Variants in KCNIP4 observed in about 807,000 individuals in gnomAD.
The protein encoded by KCNIP4 is Kv channel-interacting protein 4.
A neutral mutation model predicts 34.0 loss-of-function variants in KCNIP4; 12 were observed. That is an observed-to-expected ratio of 0.35 (90% CI 0.23 to 0.57). The LOEUF (loss-of-function observed/expected upper bound fraction) is 0.57. Among genes scored for constraint, KCNIP4 ranks in the 20% least tolerant of loss-of-function variants. The pLI, the probability that KCNIP4 is intolerant of heterozygous loss-of-function variation, is 0.83. For synonymous variants in KCNIP4, 124 were observed against 102.2 expected (o/e 1.21, Z -1.29); for missense variants, 238 against 311.7 (o/e 0.76, Z 1.78).
At chr4:20,821,984 G>A (rs1717168919) in intron 3 of KCNIP4, among the ~76,000 whole-genome samples, 1 of 151,590 alleles carries the variant, frequency 6.6e-6, no homozygotes. Flanking sequence ...CTATAAACAT[G>A]CGTGTGCATG....
At chr4:21,821,652 T>C (rs777052464) in intron 1 of KCNIP4, among the ~76,000 whole-genome samples, 50 of 152,254 alleles carry the variant, frequency 3.3e-4, no homozygotes, top group Admixed American at 7.9e-4. Context: ...GTTAGATAAA[T>C]GCAAGTAACT....
intron 1 of KCNIP4, among the ~76,000 whole-genome samples, chr4:21,246,459 A>C (rs991781628): frequency 4.6e-5 from 7 of 152,214 alleles, no homozygotes; most frequent in African/African-American, 1.7e-4. Context: ...TTACTGCAAA[A>C]TACTTATGTG....
chr4:21,101,498 A>G (rs1315043872), intron 1 of KCNIP4, among the ~76,000 whole-genome samples: 1 of 152,192 alleles, frequency 6.6e-6, no homozygotes, highest in Non-Finnish European at 1.5e-5. Flanking sequence ...TGCAATAAAC[A>G]TAAGAGTGCA....
At chr4:21,927,876 T>G (rs993279917) in intron 1 of KCNIP4, among the ~76,000 whole-genome samples, 2 of 152,000 alleles carry the variant, frequency 1.3e-5, no homozygotes. Context: ...TGTGGAATGA[T>G]GACAATACTC....
intron 1 of KCNIP4, among the ~76,000 whole-genome samples, chr4:21,108,755 G>A (rs1451221980): frequency 6.6e-6 from 1 of 151,814 alleles, no homozygotes; most frequent in African/African-American, 2.4e-5. Flanking sequence ...TTTGATGATG[G>A]TGATGTACAG....
intron 1 of KCNIP4, among the ~76,000 whole-genome samples, chr4:21,698,269 A>G (rs1234716093): frequency 6.6e-6 from 1 of 152,214 alleles, no homozygotes; most frequent in Non-Finnish European, 1.5e-5. Context: ...ATTAGGATAC[A>G]TAATTGTCTC....
rs546026428 is a variant in KCNIP4, at chr4:21,527,781, T to C, written c.61+420790A>G. The stretch of plus-strand genomic sequence containing the variant: ...AAAAGTAGGACAATCACATTAAATA[T>C]TGTATAATCAGACTTTGCAAATTCA... On this transcript the variant is annotated intron_variant, in intron 1 of 8. Coordinates refer to ENST00000382152, the MANE Select transcript of KCNIP4 (RefSeq NM_025221.6). Among the ~76,000 whole-genome samples the C allele has an allele frequency of 9.9e-5, 15 of 152,264 alleles. No homozygotes were observed. In the South Asian group the frequency reaches 2.7e-3, roughly 27 times the overall value.
At chr4:21,258,575 G>T (rs893502784) in intron 1 of KCNIP4, among the ~76,000 whole-genome samples, 1 of 152,044 alleles carries the variant, frequency 6.6e-6, no homozygotes, top group African/African-American at 2.4e-5. Context: ...GATATAGTGT[G>T]CTCTAATTCT....
At chr4:20,832,297 G>T (rs1718520882) in intron 3 of KCNIP4, among the ~76,000 whole-genome samples, 1 of 152,050 alleles carries the variant, frequency 6.6e-6, no homozygotes, top group Non-Finnish European at 1.5e-5. Flanking sequence ...CTAGATAATT[G>T]CCTAGAGTTG....
chr4:20,898,518 C>G (rs1577334246), intron 1 of KCNIP4, among the ~76,000 whole-genome samples: 1 of 152,220 alleles, frequency 6.6e-6, no homozygotes, highest in Admixed American at 6.5e-5. Context: ...CATTTGGTAG[C>G]CTTATCCATA....
chr4:21,665,334 G>A (rs989032462), intron 1 of KCNIP4, among the ~76,000 whole-genome samples: 3 of 152,060 alleles, frequency 2.0e-5, no homozygotes, highest in South Asian at 2.1e-4. Context: ...TTTAGAGGTC[G>A]TGGGCAGAGA....
intron 1 of KCNIP4, among the ~76,000 whole-genome samples, chr4:21,516,491 C>G (rs1734769292): frequency 1.3e-5 from 2 of 152,174 alleles, no homozygotes. Flanking sequence ...CTTTTTCTCT[C>G]TCAAACTCCC....
chr4:21,839,183 T>C (rs921621359), intron 1 of KCNIP4, among the ~76,000 whole-genome samples: 3 of 152,166 alleles, frequency 2.0e-5, no homozygotes, highest in African/African-American at 2.4e-5. Context: ...ATAGAAATCC[T>C]AGTATCTATG....
chr4:21,159,417 G>A lies in KCNIP4; in HGVS notation c.62-276708C>T, dbSNP rs1560774054. ...GGGGAGGAGCCAAGATGGCCGAATA[G>A]GAACAGCTCCGGTCTACAGCTCCCA... On this transcript the variant is annotated intron_variant, in intron 1 of 8. Transcript: ENST00000382152. Among the ~76,000 whole-genome samples, 2 of 19,052 alleles carry A rather than the reference G, an allele frequency of 1.0e-4. 1 individual carries two copies. Among genetic ancestry groups the A allele is most frequent in the Non-Finnish European group, 2.2e-4 (2 of 9,178 alleles). The allele number at this position is 19,052 out of a possible 152,430, so 12.5% of individuals were successfully genotyped here.
At chr4:20,967,129 C>G (rs190394776) in intron 1 of KCNIP4, among the ~76,000 whole-genome samples, 55 of 152,140 alleles carry the variant, frequency 3.6e-4, no homozygotes, top group African/African-American at 1.3e-3. Flanking sequence ...TTATCATGAC[C>G]TATATCTTAG....
intron 1 of KCNIP4, among the ~76,000 whole-genome samples, chr4:21,226,063 T>C (rs1015274146): frequency 4.0e-5 from 6 of 151,792 alleles, no homozygotes; most frequent in Admixed American, 6.6e-5. Flanking sequence ...TCATTCGAAC[T>C]CTATAAGGCA....
At position 21,719,992 on chromosome 4, in the gene KCNIP4, G is replaced by T. The variant is rs1361865438; in HGVS notation, c.61+228579C>A. Among the ~76,000 whole-genome samples, 68 of 102,542 alleles carry T rather than the reference G, an allele frequency of 6.6e-4. 1 individual carries two copies. The highest frequency in any genetic ancestry group is 3.4e-3 in the African/African-American group (64 of 18,836). 67.3% of individuals were successfully genotyped at this position (102,542 alleles called of 152,430 possible). ...AAAAAAAAAAAAAGAAGAAGAGGAA[G>T]AAGAAAAGAAAAAGAAGAAGAAGAA... On this transcript the variant is annotated intron_variant, in intron 1 of 8. Coordinates refer to ENST00000382152, the MANE Select transcript of KCNIP4 (RefSeq NM_025221.6).
At chr4:21,329,663 G>C (rs549005632) in intron 1 of KCNIP4, among the ~76,000 whole-genome samples, 3 of 152,224 alleles carry the variant, frequency 2.0e-5, no homozygotes, top group South Asian at 4.2e-4. Flanking sequence ...ATCAAGGAAG[G>C]CTTCCCAAAG....
intron 1 of KCNIP4, among the ~76,000 whole-genome samples, chr4:21,359,963 C>A (rs1437382424): frequency 6.6e-6 from 1 of 152,080 alleles, no homozygotes; most frequent in Non-Finnish European, 1.5e-5. Context: ...AGATTTAAAT[C>A]TGAGAAGGGG....
Sources: allele counts gnomAD v4.1 joint callset (sites outside exome capture counted in the v4.1 genomes callset), GRCh38; gene constraint gnomAD v4.1.1; transcripts MANE v1.5; gene names NCBI Gene and HGNC (gene_info 2026-07-23, HGNC 2026-07-21).